Variants in EYS observed in about 807,000 individuals in gnomAD.
EYS encodes the protein protein eyes shut homolog.
Under a neutral mutation model 282.1 loss-of-function variants are expected in EYS, and 250 were observed. The observed-to-expected ratio is 0.89, with a 90% CI of 0.80 to 0.98. The LOEUF (loss-of-function observed/expected upper bound fraction) is 0.98, where lower values mean the gene tolerates loss of function less well. Ranked by LOEUF, EYS falls within the 50% of genes least tolerant of loss-of-function variation. The pLI is 0.00. For synonymous variants in EYS, 1,355 were observed against 1,282.9 expected, an observed-to-expected ratio of 1.06 and a Z score of -1.20; for missense variants, 4,016 against 3,709.0, an observed-to-expected ratio of 1.08 and a Z score of -2.15.
intron 31 of EYS, among the ~76,000 whole-genome samples, chr6:64,205,320 G>A (rs180712358): frequency 1.1e-3 from 166 of 152,024 alleles, no homozygotes; most frequent in African/African-American, 3.9e-3. Context: ...AATTATAATT[G>A]GGTGATGCAC....
intron 12 of EYS, among the ~76,000 whole-genome samples, chr6:65,080,205 G>C (rs1387848610): frequency 2.6e-5 from 4 of 152,062 alleles, no homozygotes; most frequent in African/African-American, 9.7e-5. Flanking sequence ...GCCCTCGACA[G>C]AACACGCCCA....
At chr6:64,890,045 GC>G (rs34002004) in intron 18 of EYS, among the ~76,000 whole-genome samples, 19,759 of 140,288 alleles carry the variant, frequency 0.14, 1,641 homozygotes, top group East Asian at 0.34. Context: ...GCCTATAAAT[GC>G]CCCCCCCCCC....
chr6:65,377,814 A>T (rs1055802963), intron 8 of EYS, among the ~76,000 whole-genome samples: 13 of 152,272 alleles, frequency 8.5e-5, no homozygotes, highest in African/African-American at 2.9e-4. Context: ...TCCTGGACAT[A>T]TACATCCTCC....
At chr6:65,009,378 A>G (rs1320390795) in intron 13 of EYS, among the ~76,000 whole-genome samples, 2 of 152,178 alleles carry the variant, frequency 1.3e-5, no homozygotes, top group Admixed American at 1.3e-4. Context: ...AGGGCTATCA[A>G]TGATGCCATT....
At position 65,344,095 on chromosome 6, in the gene EYS, C is replaced by A; in HGVS notation, c.1542G>T (p.Val514=). Residue 514 remains valine (V), a synonymous_variant, in exon 10 of 43, where the codon GTG becomes GTT. Transcript: ENST00000503581. ...AAGAATTATTATCTTCAGGATCGTTCACATAGGTTGCATCTTCAGTGCAGT... is the reference window on the plus strand; with the variant it reads ...AAGAATTATTATCTTCAGGATCGTTAACATAGGTTGCATCTTCAGTGCAGT... ...AANCTEDATY[V]NDPEDNNSSC... 1 of 1,610,756 alleles carries A rather than the reference C, an allele frequency of 6.2e-7. No individual in the cohort carries two copies. The highest frequency in any genetic ancestry group is 8.5e-7 in the Non-Finnish European group (1 of 1,177,988).
intron 26 of EYS, among the ~76,000 whole-genome samples, chr6:64,563,522 G>A (rs1011839121): frequency 2.0e-5 from 3 of 151,964 alleles, no homozygotes; most frequent in Non-Finnish European, 2.9e-5. Flanking sequence ...GATGCACAGA[G>A]GGTACTCATT....
chr6:63,822,640 C>T (rs537866439), intron 36 of EYS: 4 of 152,198 alleles, frequency 2.6e-5, no homozygotes, highest in African/African-American at 7.2e-5. Flanking sequence ...GAAAAGCTAC[C>T]GATTTTTATT....
At chr6:64,487,872 C>G (rs1776624954) in intron 26 of EYS, among the ~76,000 whole-genome samples, 2 of 150,920 alleles carry the variant, frequency 1.3e-5, no homozygotes, top group African/African-American at 4.8e-5. Flanking sequence ...TAGTTCTAGG[C>G]CTCAAGGGAT....
intron 14 of EYS, among the ~76,000 whole-genome samples, chr6:64,986,748 A>C (rs949661437): frequency 2.5e-5 from 2 of 79,536 alleles, no homozygotes; most frequent in Non-Finnish European, 7.6e-5. Flanking sequence ...TTAATTTTAA[A>C]TTTTAGTTAA....
intron 40 of EYS, among the ~76,000 whole-genome samples, chr6:63,774,774 C>T (rs867096670): frequency 4.0e-4 from 60 of 151,824 alleles, no homozygotes; most frequent in African/African-American, 1.4e-3. Flanking sequence ...ATAAAACTTG[C>T]TTAAAAACAC....
intron 22 of EYS, among the ~76,000 whole-genome samples, chr6:64,707,237 C>T (rs59667404): frequency 0.13 from 19,522 of 152,028 alleles, 1,484 homozygotes; most frequent in East Asian, 0.3. Context: ...AGTGAAGTAA[C>T]TCAGGAATGG....
intron 34 of EYS, 96 bp from the exon 35 acceptor site, chr6:63,984,699 ATGTGTTTTTC>A (rs1767275357): frequency 9.9e-7 from 1 of 1,011,310 alleles, no homozygotes; most frequent in Non-Finnish European, 1.5e-6. Flanking sequence ...ATGTGTTTTA[ATGTGTTTTTC>A]TGTGTAAAAG....
intron 11 of EYS, among the ~76,000 whole-genome samples, chr6:65,317,218 T>G (rs1237644078): frequency 5.3e-5 from 8 of 152,184 alleles, no homozygotes. Context: ...TGTGGAGAGA[T>G]AATGGAAAAA....
intron 8 of EYS, among the ~76,000 whole-genome samples, chr6:65,370,598 A>C (rs995719472): frequency 6.6e-6 from 1 of 151,476 alleles, no homozygotes; most frequent in African/African-American, 2.4e-5. Context: ...CATAATGCAA[A>C]TTTTTTTTAT....
chr6:65,637,608 A>C (rs6933242), intron 2 of EYS, among the ~76,000 whole-genome samples: 53,086 of 152,186 alleles, frequency 0.35, 11,631 homozygotes, highest in Non-Finnish European at 0.48. Context: ...TACTTGCCAT[A>C]GCAGGCTTGA....
chr6:65,515,881 T>C (rs954491033), intron 2 of EYS, among the ~76,000 whole-genome samples: 9 of 151,440 alleles, frequency 5.9e-5, no homozygotes, highest in African/African-American at 1.5e-4. Context: ...GCATGGCACA[T>C]GTATACATAT....
At chr6:64,227,191 G>T (rs979325846) in intron 31 of EYS, among the ~76,000 whole-genome samples, 2 of 151,824 alleles carry the variant, frequency 1.3e-5, no homozygotes, top group Non-Finnish European at 2.9e-5. Flanking sequence ...ATTATGAAAA[G>T]ATATGACCAC....
At chr6:64,613,109 G>GT (rs1351347026) in intron 24 of EYS, among the ~76,000 whole-genome samples, 1 of 152,096 alleles carries the variant, frequency 6.6e-6, no homozygotes, top group Non-Finnish European at 1.5e-5. Flanking sequence ...ATGTGCTACT[G>GT]TATCAGCTGG....
intron 31 of EYS, among the ~76,000 whole-genome samples, chr6:64,110,402 G>T (rs1386682500): frequency 6.6e-6 from 1 of 151,938 alleles, no homozygotes; most frequent in Non-Finnish European, 1.5e-5. Context: ...GATATACCAT[G>T]TTATAAAAAA....
Sources: gnomAD v4.1 joint callset for allele counts (sites outside exome capture counted in the v4.1 genomes callset) on GRCh38, gnomAD v4.1.1 for gene constraint, MANE v1.5 for transcripts, NCBI Gene and HGNC (gene_info 2026-07-23, HGNC 2026-07-21) for gene names.